Variants in BCOR observed in about 807,000 individuals in gnomAD.
The protein encoded by BCOR is BCL6 corepressor.
BCOR carries 10 observed loss-of-function variants against 86.7 expected under a neutral mutation model. That is an observed-to-expected ratio of 0.12 (90% CI 0.07 to 0.20). BCOR has a LOEUF of 0.20. Ranked by LOEUF, BCOR falls within the 10% of genes least tolerant of loss-of-function variation. The pLI is 1.00. For missense variants in BCOR, 1,259 were observed against 1,452.1 expected, an observed-to-expected ratio of 0.87 and a Z score of 2.16; for synonymous variants, 611 against 609.0, an observed-to-expected ratio of 1.00 and a Z score of -0.05.
At chrX:40,129,705 T>C (rs1273598766) in intron 1 of BCOR, among the ~76,000 whole-genome samples, 1 of 99,572 alleles carries the variant, frequency 1.0e-5, no homozygotes, top group Non-Finnish European at 1.9e-5. Flanking sequence ...GCTGTTTCAC[T>C]GTCCTTTCCT....
Position 40,073,903 on chromosome X carries a change from C to T in BCOR, c.1443G>A (p.Glu481=). Residue 481 remains glutamate, a synonymous_variant, in exon 4 of 15, where the codon GAG becomes GAA. Transcript: ENST00000378444. The part of the protein sequence containing the change: ...AGSGLVLSGS[E]IPKETLSPPG... ...GAGGAGATAGTGTTTCTTTCGGAAT[C>T]TCACTTCCGGAGAGCACTAAGCCAC... The T allele has an allele frequency of 8.2e-7, 1 of 1,212,298 alleles. No individual in the cohort carries two copies. The highest frequency in any genetic ancestry group is 3.0e-5 in the East Asian group (1 of 33,858).
chrX:40,054,343 G>A lies in BCOR; in HGVS notation c.4742-10C>T. 1 of 1,186,768 alleles carries A rather than the reference G, an allele frequency of 8.4e-7. No individual in the cohort carries two copies. The highest frequency in any genetic ancestry group is 1.1e-6 in the Non-Finnish European group (1 of 875,256). On this transcript the variant is annotated splice_polypyrimidine_tract_variant and intron_variant, in intron 12 of 14. Transcript: ENST00000378444. ...AGGTCATTTAAATAATCTGGAGGGA[G>A]AGAAAAATAAAAAAACAAGATAAAA...
Position 40,072,338 on chromosome X carries a change from G to T in BCOR, c.2997+11C>A, listed in dbSNP as rs1212583938. ...TGGTAAAGTAACTGAAATTCAGGTG[G>T]GGGGGCTCACCTGCAATGCCCGTTG... On this transcript the variant is annotated intron_variant, in intron 4 of 14. Transcript: ENST00000378444. The T allele has an allele frequency of 8.3e-7, 1 of 1,203,273 alleles. No homozygotes were observed. The highest frequency in any genetic ancestry group is 2.2e-5 in the Admixed American group (1 of 45,540).
chrX:40,090,457 G>A (rs1001760311), intron 1 of BCOR, among the ~76,000 whole-genome samples: 1 of 112,418 alleles, frequency 8.9e-6, no homozygotes, highest in Non-Finnish European at 1.9e-5. Context: ...TCGGGGAGGG[G>A]CGGGGCGGGG....
At chrX:40,155,491 G>A (rs1017549174) in intron 1 of BCOR, among the ~76,000 whole-genome samples, 3 of 110,958 alleles carry the variant, frequency 2.7e-5, no homozygotes, top group Non-Finnish European at 5.7e-5. Context: ...AGGGAAGGAG[G>A]AGTGGGAGGA....
At chrX:40,078,697 A>G (rs1040942042) in intron 1 of BCOR, among the ~76,000 whole-genome samples, 2 of 112,144 alleles carry the variant, frequency 1.8e-5, no homozygotes, top group Admixed American at 9.4e-5. Flanking sequence ...TAGCGAGCAC[A>G]GAAGTCTTAG....
chrX:40,064,542 T>A lies in BCOR; in HGVS notation c.3296A>T (p.Asp1099Val). ...CACAAAGTACTTCTCCACAGGAAGATCTTTGTCCTCTGGGGCTTCAAAGGG... is the reference window on the plus strand; with the variant it reads ...CACAAAGTACTTCTCCACAGGAAGAACTTTGTCCTCTGGGGCTTCAAAGGG... ...RDPFEAPEDK[D>V]LPVEKYFVER... Residue 1099 changes from aspartate (D) to valine (V), a missense_variant, in exon 7 of 15, where the codon GAT becomes GTT. Asp to Val is a radical substitution (Grantham distance 152, BLOSUM62 -3). Around this residue, in one of 7 missense-constraint regions of BCOR, gnomAD observed 305 missense variants for 286.1 expected, o/e 1.07. Transcript: ENST00000378444. 1.7e-6 allele frequency: 2 copies of A among 1,211,667 alleles called. No homozygotes were observed. The highest frequency in any genetic ancestry group is 3.0e-5 in the East Asian group (1 of 33,828).
At chrX:40,136,934 CT>C (rs1325576201) in intron 1 of BCOR, among the ~76,000 whole-genome samples, 5 of 112,424 alleles carry the variant, frequency 4.4e-5, no homozygotes, top group Non-Finnish European at 7.5e-5. Context: ...CACAGCAGAC[CT>C]CCAGAACTGT....
intron 1 of BCOR, among the ~76,000 whole-genome samples, chrX:40,169,978 G>A (rs1334533569): frequency 2.7e-5 from 3 of 112,468 alleles, no homozygotes; most frequent in Non-Finnish European, 5.6e-5. Context: ...TGAACGCGCA[G>A]CCTGGGCCTC....
At chrX:40,131,885 C>T (rs191627714) in intron 1 of BCOR, among the ~76,000 whole-genome samples, 24 of 111,606 alleles carry the variant, frequency 2.2e-4, no homozygotes, top group Non-Finnish European at 4.0e-4. Context: ...GTTTTAAACA[C>T]GCCCGCTAGT....
chrX:40,065,954 G>A (rs936903004), intron 6 of BCOR, among the ~76,000 whole-genome samples: 2 of 111,360 alleles, frequency 1.8e-5, no homozygotes, highest in Non-Finnish European at 3.8e-5. Flanking sequence ...AGCTGTGGGG[G>A]TGAGCTTTAC....
intron 6 of BCOR, among the ~76,000 whole-genome samples, chrX:40,067,327 G>T (rs1214358242): frequency 1.8e-5 from 2 of 111,760 alleles, no homozygotes; most frequent in Non-Finnish European, 3.8e-5. Context: ...CTTCTCTGGG[G>T]CTCCCCATCT....
At chrX:40,158,361 G>GC (rs1423497676) in intron 1 of BCOR, among the ~76,000 whole-genome samples, 4 of 111,814 alleles carry the variant, frequency 3.6e-5, no homozygotes, top group African/African-American at 1.3e-4. Flanking sequence ...AGGCGGCGCT[G>GC]CCCCCGGCGG....
chrX:40,128,857 G>A (rs1164971054), intron 1 of BCOR, among the ~76,000 whole-genome samples: 1 of 111,636 alleles, frequency 9.0e-6, no homozygotes, highest in African/African-American at 3.3e-5. Flanking sequence ...GCGTGCAGAT[G>A]TCTATTAGTC....
At chrX:40,109,293 C>A (rs781614156) in intron 1 of BCOR, among the ~76,000 whole-genome samples, 158 of 109,683 alleles carry the variant, frequency 1.4e-3, no homozygotes, top group African/African-American at 5.1e-3. Context: ...GCGCTCCTGG[C>A]GCGGCTGGCT....
chrX:40,094,199 A>AG (rs2147668241), intron 1 of BCOR, among the ~76,000 whole-genome samples: 1 of 110,996 alleles, frequency 9.0e-6, no homozygotes, highest in Admixed American at 9.4e-5. Flanking sequence ...CCCGGAGGCT[A>AG]GCTCGCTCAC....
intron 1 of BCOR, among the ~76,000 whole-genome samples, chrX:40,161,979 T>C (rs1938433081): frequency 8.9e-6 from 1 of 111,838 alleles, no homozygotes; most frequent in Non-Finnish European, 1.9e-5. Context: ...GACACTCCTG[T>C]CCTTCTCCCA....
chrX:40,139,487 ATATATATATATTTTTTTTTTT>A, intron 1 of BCOR, among the ~76,000 whole-genome samples: 1 of 12,673 alleles, frequency 7.9e-5, no homozygotes, highest in African/African-American at 6.2e-4. Context: ...ATATATATAT[ATATATATATATTTTTTTTTTT>A]TTTTAAGCAT....
chrX:40,116,951 G>A (rs1292999572), intron 1 of BCOR, among the ~76,000 whole-genome samples: 2 of 111,971 alleles, frequency 1.8e-5, no homozygotes, highest in Non-Finnish European at 3.8e-5. Flanking sequence ...AAAGCATGCT[G>A]GTCAGCCAGT....
Sources: gnomAD v4.1 joint callset for allele counts (sites outside exome capture counted in the v4.1 genomes callset) on GRCh38, gnomAD v4.1.1 for gene constraint, gnomAD v4.1.1 regional missense constraint, MANE v1.5 for transcripts, NCBI Gene and HGNC (gene_info 2026-07-23, HGNC 2026-07-21) for gene names.